Variants in ADAMTS17 observed in about 807,000 individuals in gnomAD.
The protein encoded by ADAMTS17 is ADAM metallopeptidase with thrombospondin type 1 motif 17, also known as A disintegrin and metalloproteinase with thrombospondin motifs 17.
Under a neutral mutation model 141.5 loss-of-function variants are expected in ADAMTS17, and 113 were observed. That is an observed-to-expected ratio of 0.80 (90% CI 0.69 to 0.93). The LOEUF is 0.93. ADAMTS17 is among the 40% of genes least tolerant of loss of function. The pLI is 0.00. For missense variants in ADAMTS17, 1,659 were observed against 1,517.9 expected (o/e 1.09, Z -1.54); for synonymous variants, 768 against 630.6 (o/e 1.22, Z -3.27).
At chr15:100,001,732 A>G (rs1160401956) in intron 18 of ADAMTS17, among the ~76,000 whole-genome samples, 1 of 152,092 alleles carries the variant, frequency 6.6e-6, no homozygotes, top group African/African-American at 2.4e-5. Context: ...GCATTTTGGG[A>G]GGCCAAGGTG....
intron 15 of ADAMTS17, among the ~76,000 whole-genome samples, chr15:100,073,874 C>T (rs980184288): frequency 3.3e-5 from 5 of 151,452 alleles, no homozygotes; most frequent in Non-Finnish European, 5.9e-5. Flanking sequence ...TGTAACAAAC[C>T]TGCACGTTGT....
intron 2 of ADAMTS17, among the ~76,000 whole-genome samples, chr15:100,336,870 A>C (rs2046222544): frequency 6.6e-6 from 1 of 152,176 alleles, no homozygotes; most frequent in Non-Finnish European, 1.5e-5. Context: ...GGGGTCCCCA[A>C]CACTTCTAAC....
intron 3 of ADAMTS17, among the ~76,000 whole-genome samples, chr15:100,294,072 G>A (rs933013899): frequency 6.6e-6 from 1 of 152,122 alleles, no homozygotes; most frequent in African/African-American, 2.4e-5. Context: ...CCCTCTTAAG[G>A]TAGATGTGGG....
intron 18 of ADAMTS17, among the ~76,000 whole-genome samples, chr15:100,019,261 T>C (rs777030017): frequency 6.6e-5 from 10 of 152,036 alleles, no homozygotes; most frequent in Non-Finnish European, 1.0e-4. Flanking sequence ...GTTTGAAAAT[T>C]TGGGTGGGAT....
chr15:100,238,714 A>G (rs763355369), intron 7 of ADAMTS17, among the ~76,000 whole-genome samples: 2 of 152,212 alleles, frequency 1.3e-5, no homozygotes, highest in Non-Finnish European at 2.9e-5. Flanking sequence ...AATTTCAGAC[A>G]AGAAATGTAT....
intron 3 of ADAMTS17, among the ~76,000 whole-genome samples, chr15:100,298,537 G>A (rs569573399): frequency 7.2e-5 from 11 of 152,298 alleles, no homozygotes; most frequent in African/African-American, 1.9e-4. Flanking sequence ...TGGCAGAACC[G>A]TGTTGGGCAC....
chr15:100,227,946 C>T (rs759090327), intron 7 of ADAMTS17, among the ~76,000 whole-genome samples: 20 of 152,200 alleles, frequency 1.3e-4, no homozygotes, highest in Non-Finnish European at 2.8e-4. Flanking sequence ...TGACCTTGCT[C>T]CCACTGCAGT....
intron 8 of ADAMTS17, among the ~76,000 whole-genome samples, chr15:100,176,802 C>G (rs1474604023): frequency 1.3e-5 from 2 of 152,238 alleles, no homozygotes; most frequent in African/African-American, 4.8e-5. Flanking sequence ...CTGGCCACCA[C>G]TAGTCTGCTC....
At chr15:100,207,231 G>T (rs2041608995) in intron 7 of ADAMTS17, among the ~76,000 whole-genome samples, 1 of 152,180 alleles carries the variant, frequency 6.6e-6, no homozygotes, top group African/African-American at 2.4e-5. Context: ...CTCTCCAAGT[G>T]AGCACAAGAG....
intron 3 of ADAMTS17, among the ~76,000 whole-genome samples, chr15:100,316,410 G>A (rs770465872): frequency 2.7e-4 from 41 of 152,316 alleles, no homozygotes; most frequent in African/African-American, 9.1e-4. Context: ...CTCGCCATCC[G>A]TGGGTCACGT....
At chr15:100,090,613 G>A (rs188611806) in intron 15 of ADAMTS17, among the ~76,000 whole-genome samples, 266 of 152,276 alleles carry the variant, frequency 1.7e-3, no homozygotes, top group Non-Finnish European at 2.7e-3. Context: ...GGGCGGACTC[G>A]GTACCCAAGT....
rs925845003 is a variant in ADAMTS17, at chr15:100,201,772, C to T, written c.1076-2349G>A. ...ATGCAGACTATTAAAAAAAACAACA[C>T]GACAACCAGAAAGGATGTGATGTGG... On this transcript the variant is annotated intron_variant, in intron 7 of 21. Transcript: ENST00000268070. Among the ~76,000 whole-genome samples, 12 of 152,112 alleles carry T rather than the reference C, an allele frequency of 7.9e-5. No individual in the cohort carries two copies. The South Asian group carries it at 1.2e-3, about 16-fold the overall frequency.
chr15:100,292,519 TGAGA>T (rs1332788818), intron 3 of ADAMTS17, among the ~76,000 whole-genome samples: 2 of 143,342 alleles, frequency 1.4e-5, no homozygotes. Context: ...TGTGAAATTA[TGAGA>T]GACACTCACC....
chr15:100,131,029 C>T (rs148849569), intron 12 of ADAMTS17, among the ~76,000 whole-genome samples: 3,528 of 152,090 alleles, frequency 0.023, 119 homozygotes, highest in African/African-American at 0.071. Flanking sequence ...TGGAATACTA[C>T]GCAGCCATAA....
At chr15:100,132,624 T>C (rs528482570) in intron 11 of ADAMTS17, among the ~76,000 whole-genome samples, 2 of 152,336 alleles carry the variant, frequency 1.3e-5, no homozygotes, top group Non-Finnish European at 2.9e-5. Flanking sequence ...TATAAAACAA[T>C]TTCTCAAAGT....
chr15:99,986,048 G>A (rs2060578243), intron 20 of ADAMTS17, among the ~76,000 whole-genome samples: 2 of 152,222 alleles, frequency 1.3e-5, no homozygotes, highest in Non-Finnish European at 1.5e-5. Context: ...CCAGCACAGG[G>A]TCTGGCATAG....
intron 18 of ADAMTS17, among the ~76,000 whole-genome samples, chr15:100,001,994 CA>C (rs71151931): frequency 0.12 from 6,901 of 58,474 alleles, 1,033 homozygotes; most frequent in African/African-American, 0.34. Context: ...AGGCCAAACC[CA>C]AAAAAAAAAA....
chr15:100,222,050 C>T (rs1031355064), intron 7 of ADAMTS17, among the ~76,000 whole-genome samples: 4 of 152,212 alleles, frequency 2.6e-5, no homozygotes, highest in Admixed American at 6.5e-5. Flanking sequence ...AACGAAGTCA[C>T]GCCTTAGCCT....
At chr15:100,320,221 A>T (rs2045690139) in intron 3 of ADAMTS17, among the ~76,000 whole-genome samples, 1 of 152,200 alleles carries the variant, frequency 6.6e-6, no homozygotes, top group Non-Finnish European at 1.5e-5. Context: ...TGGAGGAAAA[A>T]ATAGTAAGAT....
Sources: gnomAD v4.1 joint callset for allele counts (sites outside exome capture counted in the v4.1 genomes callset) on GRCh38, gnomAD v4.1.1 for gene constraint, MANE v1.5 for transcripts, NCBI Gene and HGNC (gene_info 2026-07-23, HGNC 2026-07-21) for gene names.